Variants in CDH19 observed in about 807,000 individuals in gnomAD.
CDH19 encodes cadherin-19.
A neutral mutation model predicts 64.2 loss-of-function variants in CDH19; 67 were observed. That is an observed-to-expected ratio of 1.04 (90% CI 0.86 to 1.28). The LOEUF (loss-of-function observed/expected upper bound fraction) is 1.28. CDH19 is among the 50% of genes most tolerant of loss of function. The pLI is 0.00. For missense variants in CDH19, 1,030 were observed against 929.0 expected (o/e 1.11, Z -1.41); for synonymous variants, 346 against 319.3 (o/e 1.08, Z -0.89).
chr18:66,560,538 A>T (rs116700718), intron 3 of CDH19, among the ~76,000 whole-genome samples: 2,224 of 152,202 alleles, frequency 0.015, 51 homozygotes, highest in African/African-American at 0.05. Flanking sequence ...AAAAAAAGAA[A>T]AATAGAGGGG....
At chr18:66,539,682 T>C (rs530349677) in intron 7 of CDH19, among the ~76,000 whole-genome samples, 4 of 152,100 alleles carry the variant, frequency 2.6e-5, no homozygotes, top group Admixed American at 6.6e-5. Context: ...TTGTAAAGAA[T>C]TTTCATATTT....
At chr18:66,527,530 C>T (rs1047816930) in intron 9 of CDH19, among the ~76,000 whole-genome samples, 8 of 151,980 alleles carry the variant, frequency 5.3e-5, no homozygotes, top group Non-Finnish European at 7.4e-5. Flanking sequence ...AGGCAGATCA[C>T]GAGGTCAGGA....
intron 1 of CDH19, 61 bp from the exon 2 acceptor site, chr18:66,572,377 A>C: frequency 2.2e-6 from 1 of 463,826 alleles, no homozygotes; most frequent in East Asian, 3.0e-5. Context: ...TCACATAATT[A>C]CTAAAGACAG....
rs780031462 is a variant in CDH19, at chr18:66,505,105, C to T, written c.2026G>A (p.Ala676Thr). ...TGCCTGTATAGGCTCCTGATCTCAG[C>T]GCTTGTGGTTTTCCGAGTCTTGCGT... is the stretch of plus-strand genomic sequence containing the variant. ...RERKTRKTTS[A>T]EIRSLYRQSL... The change falls in exon 12 of 12, where the codon GCT becomes ACT. Residue 676 changes from alanine (A) to threonine (T), a missense_variant. Physicochemically the swap from Ala to Thr is moderately conservative, Grantham distance 58 (BLOSUM62 0). Coordinates refer to ENST00000262150, the MANE Select transcript of CDH19 (RefSeq NM_021153.4). 1.2e-6 allele frequency: 2 copies of T among 1,613,518 alleles called. No individual in the cohort carries two copies. The highest frequency in any genetic ancestry group is 1.7e-5 in the Admixed American group (1 of 59,914).
Position 66,511,627 on chromosome 18 carries a change from TA to T in CDH19, c.1516del (p.Tyr506ThrfsTer6). The T allele has an allele frequency of 6.3e-7, 1 of 1,578,506 alleles. No homozygotes were observed. Among genetic ancestry groups the T allele is most frequent in the South Asian group, 1.1e-5 (1 of 90,242 alleles). On this transcript the variant is annotated frameshift_variant, in exon 10 of 12. Coordinates refer to ENST00000262150, the MANE Select transcript of CDH19 (RefSeq NM_021153.4). LOFTEE classifies it high-confidence loss of function. ...AGTGTCTTCTACAGATAGATTAAAG[TA>T]AAAATGGTGCTCTTCTATGGATTCA... Reference protein sequence around the residue: ...RDESIEEHHFYFNLSVEDTNN... With the variant: ...RDESIEEHHFXFNLSVEDTNN...
At position 66,511,661 on chromosome 18, in the gene CDH19, C is replaced by T; in HGVS notation, c.1483G>A (p.Asp495Asn). The change falls in exon 10 of 12, where the codon GAT becomes AAT. Residue 495 changes from aspartate to asparagine, a missense_variant. By Grantham distance (23) the Asp-to-Asn change is conservative. Coordinates refer to ENST00000262150, the MANE Select transcript of CDH19 (RefSeq NM_021153.4). ...TGCTCTTCTATGGATTCATCTCTAT[C>T]CACTGCACTGATAGTCTGAATTACC... is the stretch of plus-strand genomic sequence containing the variant. ...GQVIQTISAVDRDESIEEHHF... is the reference protein window; with the variant it reads ...GQVIQTISAVNRDESIEEHHF... The T allele has an allele frequency of 6.4e-7, 1 of 1,560,948 alleles. No individual in the cohort carries two copies. Among genetic ancestry groups the T allele is most frequent in the Non-Finnish European group, 8.8e-7 (1 of 1,134,290 alleles).
chr18:66,572,101 A>C lies in CDH19; in HGVS notation c.104T>G (p.Val35Gly). ...ACGCTTCACTCTCAAATGAGATCGC[A>C]CTGGCTGCTTGACTTTCTTTGTTTG... ...NSQTKKVKQP[V>G]RSHLRVKRGW... Residue 35 changes from valine to glycine, a missense_variant, in exon 2 of 12, where the codon GTG (valine) becomes GGG (glycine). Transcript: ENST00000262150. 1 of 1,611,670 alleles carries C rather than the reference A, an allele frequency of 6.2e-7. No individual in the cohort carries two copies. The highest frequency in any genetic ancestry group is 8.5e-7 in the Non-Finnish European group (1 of 1,178,462).
chr18:66,591,429 A>T (rs926836466), intron 1 of CDH19, among the ~76,000 whole-genome samples: 4 of 151,926 alleles, frequency 2.6e-5, no homozygotes, highest in African/African-American at 9.7e-5. Flanking sequence ...CTTCCAAGTC[A>T]GAACGATTGA....
At chr18:66,543,109 T>G (rs1401793023) in intron 7 of CDH19, among the ~76,000 whole-genome samples, 1 of 152,184 alleles carries the variant, frequency 6.6e-6, no homozygotes, top group East Asian at 1.9e-4. Context: ...CACTGCAAGC[T>G]CTGCCTCCTG....
At chr18:66,519,444 T>C (rs1412177691) in intron 9 of CDH19, among the ~76,000 whole-genome samples, 3 of 152,196 alleles carry the variant, frequency 2.0e-5, no homozygotes, top group East Asian at 3.8e-4. Context: ...GGTTAGGATA[T>C]TATCATCTAA....
intron 9 of CDH19, among the ~76,000 whole-genome samples, chr18:66,522,289 C>T (rs951736687): frequency 6.6e-6 from 1 of 151,756 alleles, no homozygotes; most frequent in Non-Finnish European, 1.5e-5. Flanking sequence ...GTTACCCAGG[C>T]TGGAGTGCAA....
At chr18:66,506,865 A>C (rs1458929688) in intron 11 of CDH19, among the ~76,000 whole-genome samples, 1 of 151,982 alleles carries the variant, frequency 6.6e-6, no homozygotes, top group Non-Finnish European at 1.5e-5. Flanking sequence ...TAAAATATCT[A>C]AATTAAATAA....
chr18:66,505,011 T>G lies in CDH19; in HGVS notation c.2120A>C (p.Asn707Thr). 1 of 1,613,672 alleles carries G rather than the reference T, an allele frequency of 6.2e-7. No homozygotes were observed. The change falls in exon 12 of 12, where the codon AAT (asparagine) becomes ACT (threonine). Residue 707 changes from asparagine (N) to threonine (T), a missense_variant. Transcript: ENST00000262150. ...KFILEKLEEA[N>T]TDPCAPPFDS... ...AAAAGGAGGGGCACACGGATCAGTA[T>G]TAGCTTCTTCGAGCTTTTCCAGAAT...
chr18:66,544,837 T>G lies in CDH19; in HGVS notation c.842A>C (p.Tyr281Ser). The change falls in exon 6 of 12, where the codon TAT (tyrosine) becomes TCT (serine). Residue 281 changes from tyrosine to serine, a missense_variant. Transcript: ENST00000262150. ...TGCATTCTCTCCTATGTCATTATCATATGCCATGATTGTTCCTATAGAAGT... is the reference window on the plus strand; with the variant it reads ...TGCATTCTCTCCTATGTCATTATCAGATGCCATGATTGTTCCTATAGAAGT... The part of the protein sequence containing the change: ...TGTSIGTIMA[Y>S]DNDIGENAEM... The G allele has an allele frequency of 6.2e-7, 1 of 1,612,538 alleles. No individual in the cohort carries two copies. Among genetic ancestry groups the G allele is most frequent in the Non-Finnish European group, 8.5e-7 (1 of 1,178,752 alleles).
Position 66,508,977 on chromosome 18 carries a change from A to G in CDH19, c.1828+18T>C, listed in dbSNP as rs547614576. The G allele has an allele frequency of 6.3e-7, 1 of 1,598,868 alleles. No homozygotes were observed. Among genetic ancestry groups the G allele is most frequent in the African/African-American group, 1.3e-5 (1 of 74,728 alleles). On this transcript the variant is annotated intron_variant, in intron 11 of 11. Coordinates refer to ENST00000262150, the MANE Select transcript of CDH19 (RefSeq NM_021153.4). ...GATCATAATGCAAATGAGAATAGCAATGATGACTTCTACCTACCAAATATG... is the reference window on the plus strand; with the variant it reads ...GATCATAATGCAAATGAGAATAGCAGTGATGACTTCTACCTACCAAATATG...
chr18:66,565,965 A>C (rs1987894398), intron 3 of CDH19, among the ~76,000 whole-genome samples: 1 of 151,966 alleles, frequency 6.6e-6, no homozygotes, highest in South Asian at 2.1e-4. Flanking sequence ...CTCAAATTGC[A>C]ATGCACAAAG....
At chr18:66,537,288 C>T (rs1986711018) in intron 7 of CDH19, among the ~76,000 whole-genome samples, 1 of 151,874 alleles carries the variant, frequency 6.6e-6, no homozygotes, top group South Asian at 2.1e-4. Flanking sequence ...GACCTTGATG[C>T]TATTGAAGAG....
At chr18:66,558,793 A>G (rs1477077625) in intron 3 of CDH19, among the ~76,000 whole-genome samples, 1 of 152,070 alleles carries the variant, frequency 6.6e-6, no homozygotes, top group African/African-American at 2.4e-5. Context: ...AGGTTAACTA[A>G]CACTTGTTGG....
chr18:66,535,062 A>G lies in CDH19; in HGVS notation c.1260T>C (p.Gly420=). ...RSKVFNINDN[G]TITTSNSLDR... ...CCAGTGAGTTACTTGTAGTGATTGT[A>G]CCATTATCATTGATATTGAACACTT... The change falls in exon 8 of 12, where the codon GGT becomes GGC. Residue 420 remains glycine (G), a synonymous_variant. Coordinates refer to ENST00000262150, the MANE Select transcript of CDH19 (RefSeq NM_021153.4). The G allele has an allele frequency of 1.3e-6, 2 of 1,508,840 alleles. No homozygotes were observed. The highest frequency in any genetic ancestry group is 1.8e-4 in the Middle Eastern group (1 of 5,636). 93.5% of individuals were successfully genotyped at this position (1,508,840 alleles called of 1,614,324 possible).
Sources: allele counts gnomAD v4.1 joint callset (sites outside exome capture counted in the v4.1 genomes callset), GRCh38; gene constraint gnomAD v4.1.1; transcripts MANE v1.5; gene names NCBI Gene and HGNC (gene_info 2026-07-23, HGNC 2026-07-21).